Variants in NLRP2 observed in about 807,000 individuals in gnomAD.
The protein encoded by NLRP2 is NACHT, LRR and PYD domains-containing protein 2.
NLRP2 carries 107 observed loss-of-function variants against 97.2 expected under a neutral mutation model. The ratio of observed to expected loss-of-function variants is 1.10; its 90% CI spans 0.94 to 1.29. NLRP2 has a LOEUF of 1.29. Ranked by LOEUF, NLRP2 falls within the 50% of genes most tolerant of loss-of-function variation. The pLI, the probability that NLRP2 is intolerant of heterozygous loss-of-function variation, is 0.00. For synonymous variants in NLRP2, 663 were observed against 551.5 expected, an observed-to-expected ratio of 1.20 and a Z score of -2.83; for missense variants, 1,495 against 1,330.3, an observed-to-expected ratio of 1.12 and a Z score of -1.93.
At position 54,989,862 on chromosome 19, in the gene NLRP2, A is replaced by G. The variant is rs62124647; in HGVS notation, c.2367-160A>G. 9.4e-3 allele frequency: 6,732 copies of G among 712,894 alleles called. 50 individuals carry two copies. Among genetic ancestry groups the G allele is most frequent in the South Asian group, 0.02 (1,273 of 62,268 alleles). 44.2% of individuals were successfully genotyped at this position (712,894 alleles called of 1,614,324 possible). A position where few individuals can be genotyped will look rare whatever the true frequency, so the allele number is the denominator to read the frequency against. ...AGCTGGGCATGTTGGTGCATGGTGC[A>G]TGCCTGCAGTCCCAGCTACTCGGGA... On this transcript the variant is annotated intron_variant, in intron 8 of 12. Coordinates refer to ENST00000448584, the MANE Select transcript of NLRP2 (RefSeq NM_017852.5).
chr19:54,985,993 C>T (rs10406470), intron 7 of NLRP2, among the ~76,000 whole-genome samples, 158 bp from the exon 8 acceptor site: 160 of 151,752 alleles, frequency 1.1e-3, no homozygotes, highest in African/African-American at 3.6e-3. Flanking sequence ...CAGAGTGAGA[C>T]TCCATCTCAA....
rs2070415869 is a variant in NLRP2 at position 54,966,464 on chromosome 19, G to A, written c.-21G>A. 1.3e-5 allele frequency: 2 copies of A among 152,132 alleles called. No individual in the cohort carries two copies. The highest frequency in any genetic ancestry group is 1.3e-4 in the Admixed American group (2 of 15,244). 9.4% of individuals were successfully genotyped at this position (152,132 alleles called of 1,614,324 possible). On this transcript the variant is annotated 5_prime_UTR_variant, in exon 1 of 13. Coordinates refer to ENST00000448584, the MANE Select transcript of NLRP2 (RefSeq NM_017852.5). ...CGCCGGCGAGTAGGGCCAGGTGTTG[G>A]GAGGTGAGTAGCTCTCCGGCAGCTC... is the stretch of plus-strand genomic sequence containing the variant.
intron 11 of NLRP2, among the ~76,000 whole-genome samples, chr19:54,996,037 C>CAAAAAAAAAAAAAAAAAAAAA (rs544759995): frequency 1.4e-5 from 1 of 73,362 alleles, no homozygotes; most frequent in African/African-American, 5.5e-5. Context: ...GATCCTGTCT[C>CAAAAAAAAAAAAAAAAAAAAA]AAAAAAAAAA....
chr19:54,993,821 G>A (rs905270842), intron 10 of NLRP2: 8 of 276,566 alleles, frequency 2.9e-5, no homozygotes, highest in Admixed American at 2.0e-4. Flanking sequence ...GTGAGCCACC[G>A]TGCCAGCTGA....
intron 8 of NLRP2, among the ~76,000 whole-genome samples, chr19:54,987,042 A>G (rs1391671738): frequency 6.7e-6 from 1 of 150,118 alleles, no homozygotes; most frequent in Non-Finnish European, 1.5e-5. Context: ...ACACCACCAC[A>G]CCTGGTTAAT....
At chr19:54,984,852 G>T (rs1056597503) in intron 6 of NLRP2, among the ~76,000 whole-genome samples, 195 bp from the exon 7 acceptor site, 2 of 152,010 alleles carry the variant, frequency 1.3e-5, no homozygotes, top group Non-Finnish European at 2.9e-5. Flanking sequence ...TTGGATTTTT[G>T]TCTAAGAAGA....
chr19:54,973,344 GTTTTTTT>G (rs10673643), intron 2 of NLRP2, among the ~76,000 whole-genome samples: 2 of 92,554 alleles, frequency 2.2e-5, no homozygotes, highest in African/African-American at 9.0e-5. Context: ...ATGGGTGAGG[GTTTTTTT>G]TTTTTTTTTT....
At chr19:54,977,578 A>T (rs1436039653) in intron 3 of NLRP2, among the ~76,000 whole-genome samples, 174 bp from the exon 4 acceptor site, 1 of 151,840 alleles carries the variant, frequency 6.6e-6, no homozygotes, top group African/African-American at 2.4e-5. Flanking sequence ...AAAGGCACAT[A>T]AACCTGGGAT....
At chr19:54,994,206 G>A (rs986742070) in intron 10 of NLRP2, 63 bp from the exon 11 acceptor site, 4 of 1,549,598 alleles carry the variant, frequency 2.6e-6, no homozygotes, top group Non-Finnish European at 3.6e-6. Context: ...AGAGTCAAAG[G>A]TGCATCACAG....
rs2071682005 is a variant in NLRP2, at chr19:54,982,715, G to T, written c.1017G>T (p.Arg339Ser). The change falls in exon 6 of 13, where the codon AGG (arginine) becomes AGT (serine). Residue 339 changes from arginine to serine, a missense_variant. Physicochemically the swap from Arg to Ser is moderately radical, Grantham distance 110 (BLOSUM62 -1). Transcript: ENST00000448584. The stretch of plus-strand genomic sequence containing the variant: ...CCCTGCTGGTCACCACGCGGCCCAG[G>T]GCCCTGAGGGACCTCCGGATCCTGG... ...KAALLVTTRPRALRDLRILAE... is the reference protein window; with the variant it reads ...KAALLVTTRPSALRDLRILAE... 5.6e-6 allele frequency: 9 copies of T among 1,614,058 alleles called. No individual in the cohort carries two copies. The highest frequency in any genetic ancestry group is 7.6e-6 in the Non-Finnish European group (9 of 1,179,986).
In NLRP2 at chr19:54,985,235, C is replaced by G. The variant is rs1001545066; in HGVS notation, c.2201+18C>G. The stretch of plus-strand genomic sequence containing the variant: ...AGAGTGGTGTAAGTAGAAACTAATT[C>G]ATGAACTCAAATCCTTAGGGTATGA... On this transcript the variant is annotated intron_variant, in intron 7 of 12. Coordinates refer to ENST00000448584, the MANE Select transcript of NLRP2 (RefSeq NM_017852.5). The G allele has an allele frequency of 1.9e-6, 3 of 1,610,498 alleles. No homozygotes were observed. The highest frequency in any genetic ancestry group is 2.5e-6 in the Non-Finnish European group (3 of 1,177,080).
intron 2 of NLRP2, among the ~76,000 whole-genome samples, chr19:54,971,167 C>T (rs555673659): frequency 9.8e-4 from 148 of 151,574 alleles, no homozygotes; most frequent in African/African-American, 3.4e-3. Context: ...TTTTTTATGG[C>T]TGCATTGTAT....
intron 4 of NLRP2, among the ~76,000 whole-genome samples, chr19:54,980,263 A>C (rs1198026314): frequency 2.0e-5 from 3 of 151,458 alleles, no homozygotes; most frequent in Non-Finnish European, 2.9e-5. Flanking sequence ...CAGTGGCGCA[A>C]TCTCGGCTCA....
chr19:54,984,558 C>T (rs1352130925), intron 6 of NLRP2, among the ~76,000 whole-genome samples: 2 of 136,018 alleles, frequency 1.5e-5, no homozygotes, highest in African/African-American at 5.8e-5. Context: ...TCTCGGCTCA[C>T]TGCAACCTCC....
rs1157138794 is a variant in NLRP2 at position 55,000,270 on chromosome 19, C to CTTTTTTTTTTTTTTTTT, written c.3051-467_3051-451dup. Among the ~76,000 whole-genome samples, 8 of 36,026 alleles carry CTTTTTTTTTTTTTTTTT rather than the reference C, an allele frequency of 2.2e-4. 1 individual carries two copies. Among genetic ancestry groups the CTTTTTTTTTTTTTTTTT allele is most frequent in the Non-Finnish European group, 3.4e-4 (7 of 20,646 alleles). The allele number at this position is 36,026 out of a possible 152,430, so 23.6% of individuals were successfully genotyped here. ...CCAGCTTGGGCAACAGAGAGACTGT[C>CTTTTTTTTTTTTTTTTT]TTTTTTTTTTTTTTTTTTTTTTTTT... On this transcript the variant is annotated intron_variant, in intron 12 of 12. Transcript: ENST00000448584.
chr19:54,989,931 C>A, intron 8 of NLRP2, 91 bp from the exon 9 acceptor site: 6 of 1,412,692 alleles, frequency 4.2e-6, no homozygotes, highest in Non-Finnish European at 6.0e-6. Context: ...GCGGAGGTTG[C>A]TGTGAGCCGA....
rs1555778299 is a variant in NLRP2, at chr19:54,987,751, A to AAT, written c.2366+1437_2366+1438insTA. On this transcript the variant is annotated intron_variant, in intron 8 of 12. Transcript: ENST00000448584. ...TGTGAGACTGTCTCAAAAAAAAAAA[A>AAT]AAAAATCTTGGCTGGGTGCGGTAGC... Among the ~76,000 whole-genome samples the AAT allele has an allele frequency of 2.3e-3, 350 of 150,990 alleles. 2 individuals are homozygous for AAT. Among genetic ancestry groups the AAT allele is most frequent in the African/African-American group, 3.3e-3 (134 of 41,210 alleles).
chr19:54,996,670 A>C (rs926129914), intron 11 of NLRP2, among the ~76,000 whole-genome samples: 2 of 151,910 alleles, frequency 1.3e-5, no homozygotes, highest in African/African-American at 4.8e-5. Context: ...TGTCTCACTC[A>C]TGCCCGCTGC....
rs745577803 is a variant in NLRP2, at chr19:54,982,142, C to G, written c.464-20C>G. ...AACTGATTGCATCCTCTCTCCCTTC[C>G]CTCCTCACCAATGATAAAGACAAAG... On this transcript the variant is annotated intron_variant, in intron 5 of 12. Transcript: ENST00000448584. The G allele has an allele frequency of 6.2e-7, 1 of 1,613,834 alleles. No individual in the cohort carries two copies. Among genetic ancestry groups the G allele is most frequent in the East Asian group, 2.2e-5 (1 of 44,888 alleles).
Sources: gnomAD v4.1 joint callset for allele counts (sites outside exome capture counted in the v4.1 genomes callset) on GRCh38, gnomAD v4.1.1 for gene constraint, MANE v1.5 for transcripts, NCBI Gene and HGNC (gene_info 2026-07-23, HGNC 2026-07-21) for gene names.